The following NOD1 variants were observed in gnomAD, a reference collection of about 807,000 sequenced individuals.
NOD1 encodes the protein nucleotide binding oligomerization domain containing 1.
A neutral mutation model predicts 81.2 loss-of-function variants in NOD1; 70 were observed. The observed-to-expected ratio is 0.86, with a 90% confidence interval of 0.71 to 1.05. The LOEUF (loss-of-function observed/expected upper bound fraction) is 1.05. NOD1 is among the 50% of genes least tolerant of loss of function. The probability of loss-of-function intolerance (pLI) is 0.00; values close to 1 mark genes in which losing one functional copy is unlikely to be tolerated. For synonymous variants in NOD1, 508 were observed against 526.9 expected, an observed-to-expected ratio of 0.96 and a Z score of 0.49; for missense variants, 1,233 against 1,228.0, an observed-to-expected ratio of 1.00 and a Z score of -0.06.
intron 9 of NOD1, among the ~76,000 whole-genome samples, chr7:30,439,781 G>A (rs1256221249): frequency 4.9e-5 from 2 of 40,966 alleles, no homozygotes; most frequent in African/African-American, 2.4e-4. Context: ...GCCTGCCTCT[G>A]TAGGCTCCAC....
chr7:30,432,507 G>A (rs1005005441), intron 12 of NOD1, among the ~76,000 whole-genome samples: 2 of 152,178 alleles, frequency 1.3e-5, no homozygotes, highest in African/African-American at 4.8e-5. Flanking sequence ...ATGTAAAATA[G>A]TACATCCACT....
intron 1 of NOD1, among the ~76,000 whole-genome samples, chr7:30,476,469 G>C (rs1788793706): frequency 6.6e-6 from 1 of 152,132 alleles, no homozygotes; most frequent in South Asian, 2.1e-4. Flanking sequence ...ACTGTCCTTG[G>C]TCATTCAAGA....
intron 1 of NOD1, among the ~76,000 whole-genome samples, chr7:30,477,013 C>G (rs1788849511): frequency 6.6e-6 from 1 of 152,234 alleles, no homozygotes; most frequent in Non-Finnish European, 1.5e-5. Context: ...CATCATCTCG[C>G]TGAACTATGC....
chr7:30,451,274 G>A lies in NOD1; in HGVS notation c.2143C>T (p.Leu715Phe). The A allele has an allele frequency of 1.2e-6, 2 of 1,614,152 alleles. No homozygotes were observed. Among genetic ancestry groups the A allele is most frequent in the Non-Finnish European group, 1.7e-6 (2 of 1,180,038 alleles). The change falls in exon 6 of 14, where the codon CTC (leucine) becomes TTC (phenylalanine). Residue 715 changes from leucine (L) to phenylalanine (F), a missense_variant. By Grantham distance (22) the Leu-to-Phe change is conservative (BLOSUM62 0). Transcript: ENST00000222823. This position sits in a 1 kb window ranked among gnomAD's most constrained non-coding sequence, Gnocchi z 4.2. ...RLALDLDNNN[L>F]NDYGVRELQP... ...AGCTCCCGCACGCCGTAGTCGTTGAGATTGTTGTTGTCTAGGTCTAGGGCC... is the reference window on the plus strand; with the variant it reads ...AGCTCCCGCACGCCGTAGTCGTTGAAATTGTTGTTGTCTAGGTCTAGGGCC...
In NOD1 at chr7:30,451,008, C is replaced by T. The variant is rs1562679692; in HGVS notation, c.2201+208G>A. On this transcript the variant is annotated intron_variant, in intron 6 of 13. Coordinates refer to ENST00000222823, the MANE Select transcript of NOD1 (RefSeq NM_006092.4). The surrounding 1 kb of genome is among the most constrained non-coding windows in gnomAD (Gnocchi z 4.2). ...GGCTCTGAGAGTTAAGCACTTTGTT[C>T]AAGGGCACCCAGCTGTGGCTGATCC... Among the ~76,000 whole-genome samples the T allele has an allele frequency of 6.6e-6, 1 of 152,210 alleles. No individual in the cohort carries two copies.
In NOD1 at chr7:30,452,055, G is replaced by A. The variant is rs145004682; in HGVS notation, c.1362C>T (p.His454=). The change falls in exon 6 of 14, where the codon CAC becomes CAT. Residue 454 remains histidine (H), a synonymous_variant. Coordinates refer to ENST00000222823, the MANE Select transcript of NOD1 (RefSeq NM_006092.4). ...GCGAGCACAGAGTGTCCCGGCCGGC[G>A]TGGAGGGTCTCCACTGGGCTGCGTG... ...RNTRSPVETL[H]AGRDTLCSLG... 2.9e-5 allele frequency: 46 copies of A among 1,613,566 alleles called. No individual in the cohort carries two copies. In the East Asian group the frequency reaches 5.6e-4, roughly 20 times the overall value.
At chr7:30,450,977 C>T (rs374242049) in intron 6 of NOD1, among the ~76,000 whole-genome samples, 14 of 152,310 alleles carry the variant, frequency 9.2e-5, no homozygotes, top group African/African-American at 2.9e-4. Flanking sequence ...CAGATGAGGG[C>T]GTGGAGGCTC....
chr7:30,455,055 T>G (rs1204046548), intron 5 of NOD1, 82 bp downstream of exon 5: 2 of 1,385,860 alleles, frequency 1.4e-6, no homozygotes, highest in African/African-American at 2.9e-5. Flanking sequence ...GAGGTGGCAC[T>G]CAGGGCTGGC....
intron 1 of NOD1, among the ~76,000 whole-genome samples, chr7:30,464,960 A>C (rs1787531210): frequency 6.6e-6 from 1 of 152,158 alleles, no homozygotes; most frequent in African/African-American, 2.4e-5. Flanking sequence ...GTTACCGCCA[A>C]TTTACACATG....
At chr7:30,447,598 G>A (rs1024887478) in intron 7 of NOD1, 14 of 164,238 alleles carry the variant, frequency 8.5e-5, no homozygotes, top group African/African-American at 3.4e-4. Flanking sequence ...GTGTGGCCCG[G>A]GGTCGTTTGC....
chr7:30,433,146 T>C lies in NOD1; in HGVS notation c.2655A>G (p.Ala885=). 6.2e-7 allele frequency: 1 copy of C among 1,614,150 alleles called. No homozygotes were observed. The highest frequency in any genetic ancestry group is 8.5e-7 in the Non-Finnish European group (1 of 1,179,952). The change falls in exon 12 of 14, where the codon GCA becomes GCG. Residue 885 remains alanine (A), a synonymous_variant. Coordinates refer to ENST00000222823, the MANE Select transcript of NOD1 (RefSeq NM_006092.4). ...CTTTCAACATTTCTGCCAAACTCTCTGCCACTTCATCGTTGAGTTCATTTT... is the reference window on the plus strand; with the variant it reads ...CTTTCAACATTTCTGCCAAACTCTCCGCCACTTCATCGTTGAGTTCATTTT... ...LTQNELNDEV[A]ESLAEMLKVN... is the part of the protein sequence containing the mutation.
chr7:30,477,482 CACG>C (rs1240833819), intron 1 of NOD1, among the ~76,000 whole-genome samples: 3 of 152,120 alleles, frequency 2.0e-5, no homozygotes, highest in African/African-American at 7.2e-5. Flanking sequence ...CTTTGGCAAG[CACG>C]ACTTCTGGCT....
intron 2 of NOD1, among the ~76,000 whole-genome samples, chr7:30,459,495 C>G (rs5743334): frequency 0.053 from 8,042 of 152,202 alleles, 386 homozygotes; most frequent in African/African-American, 0.13. Context: ...GTTTTGAAAA[C>G]TCTAATAATT....
chr7:30,475,208 T>C (rs528725493), intron 1 of NOD1, among the ~76,000 whole-genome samples: 6 of 152,352 alleles, frequency 3.9e-5, no homozygotes, highest in South Asian at 4.1e-4. Context: ...CCAGGCCCAG[T>C]TGCATGTGGC....
At chr7:30,425,897 C>CCT (rs1562646333) in intron 13 of NOD1, among the ~76,000 whole-genome samples, 187 bp from the exon 14 acceptor site, 1 of 152,116 alleles carries the variant, frequency 6.6e-6, no homozygotes, top group African/African-American at 2.4e-5. Context: ...AGCTGCCATC[C>CCT]CTCTGTTCAC....
intron 12 of NOD1, 132 bp downstream of exon 12, chr7:30,432,964 G>C: frequency 1.5e-6 from 1 of 665,652 alleles, no homozygotes; most frequent in Non-Finnish European, 2.6e-6. Flanking sequence ...CTAGAATTAG[G>C]TGGTGATGGT....
rs1440921958 is a variant in NOD1, at chr7:30,447,007, T to A, written c.2329A>T (p.Thr777Ser). ...CCTTTGCATTCATCCAGGATTTTGGTGACGTACCTGGCTCCGACATCGGTG... is the reference window on the plus strand; with the variant it reads ...CCTTTGCATTCATCCAGGATTTTGGAGACGTACCTGGCTCCGACATCGGTG... ...QITDVGARYV[T>S]KILDECKGLT... Residue 777 changes from threonine (T) to serine (S), a missense_variant, in exon 8 of 14, where the codon ACC (threonine) becomes TCC (serine). Coordinates refer to ENST00000222823, the MANE Select transcript of NOD1 (RefSeq NM_006092.4). 6.2e-7 allele frequency: 1 copy of A among 1,614,218 alleles called. No individual in the cohort carries two copies. The highest frequency in any genetic ancestry group is 1.7e-5 in the Admixed American group (1 of 60,026).
intron 8 of NOD1, chr7:30,446,674 A>G (rs1374387933): frequency 4.8e-6 from 2 of 419,034 alleles, no homozygotes; most frequent in African/African-American, 4.0e-5. Context: ...GCAACCCGAC[A>G]GGAAACTCCC....
rs1290826496 is a variant in NOD1 at position 30,433,155 on chromosome 7, A to G, written c.2646T>C (p.Asp882=). 6.2e-7 allele frequency: 1 copy of G among 1,613,940 alleles called. No individual in the cohort carries two copies. Among genetic ancestry groups the G allele is most frequent in the African/African-American group, 1.3e-5 (1 of 74,924 alleles). Reference sequence around the variant, plus strand: ...TTTCTGCCAAACTCTCTGCCACTTCATCGTTGAGTTCATTTTGGGTCAGCC... The same window carrying G: ...TTTCTGCCAAACTCTCTGCCACTTCGTCGTTGAGTTCATTTTGGGTCAGCC... ...ILWLTQNELN[D]EVAESLAEML... The change falls in exon 12 of 14, where the codon GAT becomes GAC. Residue 882 remains aspartate, a synonymous_variant. Coordinates refer to ENST00000222823, the MANE Select transcript of NOD1 (RefSeq NM_006092.4).
Sources: gnomAD v4.1 joint callset for allele counts (sites outside exome capture counted in the v4.1 genomes callset) on GRCh38, gnomAD v4.1.1 for gene constraint, Gnocchi (gnomAD v3.1) non-coding constraint, MANE v1.5 for transcripts, NCBI Gene and HGNC (gene_info 2026-07-23, HGNC 2026-07-21) for gene names.